CHI3L1: variants seen among roughly 807,000 people sequenced by gnomAD.
CHI3L1 encodes chitinase-3-like protein 1.
A neutral mutation model predicts 40.7 loss-of-function variants in CHI3L1; 30 were observed. The ratio of observed to expected loss-of-function variants is 0.74; its 90% CI spans 0.55 to 1.00. The LOEUF (loss-of-function observed/expected upper bound fraction) is 1.00. CHI3L1 is among the 50% of genes least tolerant of loss of function. CHI3L1 has a pLI of 0.00. For synonymous variants in CHI3L1, 210 were observed against 192.1 expected (o/e 1.09, Z -0.77); for missense variants, 493 against 492.2 (o/e 1.00, Z -0.01).
intron 8 of CHI3L1, 162 bp from the exon 9 acceptor site, chr1:203,180,039 A>G (rs1219942071): frequency 1.5e-6 from 1 of 652,660 alleles, no homozygotes; most frequent in Admixed American, 2.9e-5. Flanking sequence ...GTTTATACAA[A>G]CCAGAGGCAA....
intron 2 of CHI3L1, 27 bp downstream of exon 2, chr1:203,186,289 A>C: frequency 6.3e-7 from 1 of 1,576,344 alleles, no homozygotes; most frequent in Non-Finnish European, 8.6e-7. Context: ...CTCTGGACTT[A>C]AAAGTGGAGG....
At chr1:203,186,124 T>C (rs1656050153) in intron 2 of CHI3L1, among the ~76,000 whole-genome samples, 192 bp downstream of exon 2, 1 of 152,160 alleles carries the variant, frequency 6.6e-6, no homozygotes, top group African/African-American at 2.4e-5. Context: ...TTTTCACATA[T>C]ACCAAAGAGT....
At chr1:203,185,485 G>A in intron 2 of CHI3L1, 100 bp from the exon 3 acceptor site, 2 of 963,028 alleles carry the variant, frequency 2.1e-6, no homozygotes, top group South Asian at 2.7e-5. Flanking sequence ...GTTGGGTAGG[G>A]AGGAGTGGGG....
At chr1:203,182,491 C>T (rs903056478) in intron 6 of CHI3L1, among the ~76,000 whole-genome samples, 3 of 152,246 alleles carry the variant, frequency 2.0e-5, no homozygotes, top group African/African-American at 7.2e-5. Flanking sequence ...CTCAACTGCT[C>T]AGCCAACAGC....
At chr1:203,182,992 G>A in intron 5 of CHI3L1, 140 bp from the exon 6 acceptor site, 1 of 828,854 alleles carries the variant, frequency 1.2e-6, no homozygotes, top group Non-Finnish European at 1.9e-6. Context: ...TGATAAAGTG[G>A]CTCATCAGTG....
intron 4 of CHI3L1, among the ~76,000 whole-genome samples, 180 bp downstream of exon 4, chr1:203,184,394 GCT>G (rs1656009989): frequency 6.6e-6 from 1 of 152,146 alleles, no homozygotes; most frequent in African/African-American, 2.4e-5. Context: ...GGCAAGTCCT[GCT>G]CTCTCTCTGG....
intron 4 of CHI3L1, 78 bp downstream of exon 4, chr1:203,184,498 A>T: frequency 8.5e-7 from 1 of 1,170,384 alleles, no homozygotes; most frequent in Non-Finnish European, 1.3e-6. Flanking sequence ...ACATCCATAC[A>T]GTGGATGCGG....
chr1:203,185,468 G>A (rs1276659597), intron 2 of CHI3L1, 83 bp from the exon 3 acceptor site: 3 of 1,223,078 alleles, frequency 2.5e-6, no homozygotes, highest in Non-Finnish European at 3.6e-6. Flanking sequence ...CACCAATGGG[G>A]TGTGGGGTTG....
chr1:203,184,641 C>T lies in CHI3L1; in HGVS notation c.258-9G>A. 1 of 1,613,394 alleles carries T rather than the reference C, an allele frequency of 6.2e-7. No individual in the cohort carries two copies. The highest frequency in any genetic ancestry group is 8.5e-7 in the Non-Finnish European group (1 of 1,179,384). ...TCTTCAGGTTGGGGTTCCTGTGGAG[C>T]ACAGGGAGGTGGGGAGGGCAGGAGT... On this transcript the variant is annotated splice_polypyrimidine_tract_variant and intron_variant, in intron 3 of 9. Coordinates refer to ENST00000255409, the MANE Select transcript of CHI3L1 (RefSeq NM_001276.4).
chr1:203,184,753 C>A lies in CHI3L1; in HGVS notation c.258-121G>T, dbSNP rs1044982772. 2.0e-5 allele frequency: 15 copies of A among 765,012 alleles called. No individual in the cohort carries two copies. The African/African-American group carries it at 2.4e-4, about 12-fold the overall frequency. The allele number at this position is 765,012 out of a possible 1,614,324, so 47.4% of individuals were successfully genotyped here. On this transcript the variant is annotated intron_variant, in intron 3 of 9. Coordinates refer to ENST00000255409, the MANE Select transcript of CHI3L1 (RefSeq NM_001276.4). Reference sequence around the variant, plus strand: ...CTTTGGGTGAGAGGCTGGGTTAGGCCGCTGATGTCCTCCCATAGGACATCA... The same window carrying A: ...CTTTGGGTGAGAGGCTGGGTTAGGCAGCTGATGTCCTCCCATAGGACATCA...
At chr1:203,182,617 TG>T in intron 6 of CHI3L1, 113 bp downstream of exon 6, 1 of 1,218,140 alleles carries the variant, frequency 8.2e-7, no homozygotes, top group African/African-American at 1.5e-5. Flanking sequence ...TTGGAAGAAC[TG>T]GGACTGGAAG....
At chr1:203,185,745 G>A (rs1195694843) in intron 2 of CHI3L1, among the ~76,000 whole-genome samples, 2 of 152,166 alleles carry the variant, frequency 1.3e-5, no homozygotes, top group African/African-American at 4.8e-5. Flanking sequence ...GGGAGGGGAA[G>A]GCCCAAGATA....
intron 2 of CHI3L1, among the ~76,000 whole-genome samples, chr1:203,185,899 G>C (rs1038510886): frequency 2.0e-5 from 3 of 152,168 alleles, no homozygotes; most frequent in African/African-American, 7.2e-5. Context: ...CGGAATGGCA[G>C]TCCTGTGCTC....
chr1:203,185,037 A>T lies in CHI3L1; in HGVS notation c.257+147T>A, dbSNP rs545142319. ...CAAATATTGCCCAGCACCTACAGTC[A>T]TCCCCTCCACCCATTTAAGCCAAGC... is the stretch of plus-strand genomic sequence containing the variant. On this transcript the variant is annotated intron_variant, in intron 3 of 9. Transcript: ENST00000255409. 41 of 660,942 alleles carry T rather than the reference A, an allele frequency of 6.2e-5. No homozygotes were observed. The South Asian group carries it at 6.5e-4, about 11-fold the overall frequency. 40.9% of individuals were successfully genotyped at this position (660,942 alleles called of 1,614,324 possible).
chr1:203,183,481 C>A (rs1049347135), intron 5 of CHI3L1, among the ~76,000 whole-genome samples, 160 bp downstream of exon 5: 1 of 152,130 alleles, frequency 6.6e-6, no homozygotes, highest in Admixed American at 6.5e-5. Flanking sequence ...GCCTTCCTTG[C>A]TATGTGAGAT....
intron 7 of CHI3L1, 143 bp downstream of exon 7, chr1:203,181,019 C>G: frequency 8.6e-7 from 1 of 1,160,770 alleles, no homozygotes; most frequent in Non-Finnish European, 1.2e-6. Flanking sequence ...GACTTTGGGC[C>G]TCAGTTTCCT....
intron 2 of CHI3L1, 136 bp downstream of exon 2, chr1:203,186,180 C>T (rs966655209): frequency 2.3e-5 from 20 of 876,934 alleles, no homozygotes; most frequent in Admixed American, 1.0e-4. Flanking sequence ...GTTTAGCAAA[C>T]GTGACTATTT....
At position 203,179,165 on chromosome 1, in the gene CHI3L1, A is replaced by G. The variant is rs989201520; in HGVS notation, c.*280T>C. On this transcript the variant is annotated 3_prime_UTR_variant, in exon 10 of 10. Transcript: ENST00000255409. ...AGGGAGTTGAAGAAATTCCCTTGCC[A>G]GGCTTGGGGATCTGTAAACATTTCC... 7.4e-5 allele frequency: 21 copies of G among 285,042 alleles called. No homozygotes were observed. Among genetic ancestry groups the G allele is most frequent in the Non-Finnish European group, 1.2e-4 (19 of 152,664 alleles). 17.7% of individuals were successfully genotyped at this position (285,042 alleles called of 1,614,324 possible). A position where few individuals can be genotyped will look rare whatever the true frequency, so the allele number is the denominator to read the frequency against.
At chr1:203,182,884 G>T in intron 5 of CHI3L1, 32 bp from the exon 6 acceptor site, 1 of 1,612,200 alleles carries the variant, frequency 6.2e-7, no homozygotes, top group Non-Finnish European at 8.5e-7. Flanking sequence ...GAGAGAAAGG[G>T]TCCCAAGTGG....
Sources: allele counts gnomAD v4.1 joint callset (sites outside exome capture counted in the v4.1 genomes callset), GRCh38; gene constraint gnomAD v4.1.1; transcripts MANE v1.5; gene names NCBI Gene and HGNC (gene_info 2026-07-23, HGNC 2026-07-21).